MMRN1: variants seen among roughly 807,000 people sequenced by gnomAD.
MMRN1 encodes multimerin 1, also known as multimerin-1.
Under a neutral mutation model 100.7 loss-of-function variants are expected in MMRN1, and 94 were observed. That is an observed-to-expected ratio of 0.93 (90% CI 0.79 to 1.11). MMRN1 has a LOEUF of 1.11. MMRN1 is among the 50% of genes least tolerant of loss of function. The pLI is 0.00. For synonymous variants in MMRN1, 575 were observed against 505.0 expected (o/e 1.14, Z -1.86); for missense variants, 1,606 against 1,439.1 (o/e 1.12, Z -1.88).
chr4:89,941,288 G>A (rs1252891664), intron 6 of MMRN1, among the ~76,000 whole-genome samples: 2 of 152,124 alleles, frequency 1.3e-5, no homozygotes, highest in East Asian at 3.9e-4. Context: ...CATATCCATA[G>A]TGTTCACATC....
chr4:89,939,209 T>C (rs1722748171), intron 6 of MMRN1, among the ~76,000 whole-genome samples: 1 of 152,156 alleles, frequency 6.6e-6, no homozygotes, highest in Non-Finnish European at 1.5e-5. Flanking sequence ...TCACCTTTGA[T>C]ATTGTATAAG....
intron 2 of MMRN1, among the ~76,000 whole-genome samples, chr4:89,910,184 G>C (rs1218428587): frequency 6.6e-6 from 1 of 151,382 alleles, no homozygotes; most frequent in Non-Finnish European, 1.5e-5. Context: ...TTGAGGAATA[G>C]CTAAGGTTCA....
At chr4:89,948,456 G>A (rs1313437428) in intron 6 of MMRN1, among the ~76,000 whole-genome samples, 5 of 152,130 alleles carry the variant, frequency 3.3e-5, no homozygotes, top group Non-Finnish European at 5.9e-5. Context: ...AATAATAATT[G>A]TAAATTCATG....
intron 1 of MMRN1, among the ~76,000 whole-genome samples, chr4:89,889,713 C>T (rs1721007954): frequency 6.6e-6 from 1 of 152,126 alleles, no homozygotes; most frequent in South Asian, 2.1e-4. Flanking sequence ...ATCAATTCAA[C>T]ACTAGACATC....
Position 89,934,818 on chromosome 4 carries a change from T to C in MMRN1, c.1138T>C (p.Ser380Pro), listed in dbSNP as rs759827110. Reference sequence around the variant, plus strand: ...ATTATTTCTTTCTCTAGGTCTAAAATCCAAAAGCATTAATGTACTGATAAG... The same window carrying C: ...ATTATTTCTTTCTCTAGGTCTAAAACCCAAAAGCATTAATGTACTGATAAG... ...EFQSLLKGLK[S>P]KSINVLIRDI... is the part of the protein sequence containing the mutation. Residue 380 changes from serine (S) to proline (P), a missense_variant, in exon 6 of 8, where the codon TCC becomes CCC. Transcript: ENST00000264790. 6.8e-7 allele frequency: 1 copy of C among 1,468,460 alleles called. No individual in the cohort carries two copies. Among genetic ancestry groups the C allele is most frequent in the Non-Finnish European group, 9.1e-7 (1 of 1,100,916 alleles). 91.0% of individuals were successfully genotyped at this position (1,468,460 alleles called of 1,614,324 possible).
At chr4:89,924,578 C>T (rs1722186279) in intron 4 of MMRN1, among the ~76,000 whole-genome samples, 1 of 151,688 alleles carries the variant, frequency 6.6e-6, no homozygotes, top group Non-Finnish European at 1.5e-5. Flanking sequence ...GGCACAGTGG[C>T]TTATGCCTAT....
At chr4:89,904,728 A>G (rs1407546347) in intron 1 of MMRN1, among the ~76,000 whole-genome samples, 1 of 151,734 alleles carries the variant, frequency 6.6e-6, no homozygotes. Context: ...ATTGTGATAC[A>G]TGATATTTTA....
intron 6 of MMRN1, among the ~76,000 whole-genome samples, chr4:89,943,390 A>C (rs1165377879): frequency 6.6e-6 from 1 of 152,140 alleles, no homozygotes; most frequent in Admixed American, 6.6e-5. Flanking sequence ...GAAAATGTGA[A>C]ATTGCAGATT....
At position 89,895,466 on chromosome 4, in the gene MMRN1, T is replaced by C; in HGVS notation, c.495T>C (p.Ile165=). Residue 165 remains isoleucine, a synonymous_variant, in exon 1 of 8, where the codon ATT becomes ATC. Coordinates refer to ENST00000264790, the MANE Select transcript of MMRN1 (RefSeq NM_007351.3). ...SLNTVGGTGG[I]GGVGGTGGVG... ...ACACAGTTGGAGGCACTGGAGGCAT[T>C]GGAGGCGTTGGAGGCACTGGAGGCG... The C allele has an allele frequency of 6.2e-7, 1 of 1,613,638 alleles. No homozygotes were observed. Among genetic ancestry groups the C allele is most frequent in the Non-Finnish European group, 8.5e-7 (1 of 1,179,822 alleles).
Position 89,895,224 on chromosome 4 carries a change from C to A in MMRN1, c.253C>A (p.Pro85Thr), listed in dbSNP as rs1379902050. Reference protein sequence around the residue: ...EDSLLKSTLPPSETSAPAEGV... With the variant: ...EDSLLKSTLPTSETSAPAEGV... The stretch of plus-strand genomic sequence containing the variant: ...CAGTCTTCTTAAATCAACACTGCCT[C>A]CCTCAGAAACAAGTGCACCTGCTGA... Residue 85 changes from proline to threonine, a missense_variant, in exon 1 of 8, where the codon CCC (proline) becomes ACC (threonine). Coordinates refer to ENST00000264790, the MANE Select transcript of MMRN1 (RefSeq NM_007351.3). 6.2e-7 allele frequency: 1 copy of A among 1,613,804 alleles called. No individual in the cohort carries two copies. The highest frequency in any genetic ancestry group is 8.5e-7 in the Non-Finnish European group (1 of 1,179,914).
chr4:89,923,719 A>G (rs1442483608), intron 4 of MMRN1, among the ~76,000 whole-genome samples: 1 of 152,236 alleles, frequency 6.6e-6, no homozygotes, highest in African/African-American at 2.4e-5. Flanking sequence ...CTAAGAATCA[A>G]CAAGAACCTC....
At chr4:89,904,265 A>AT (rs1430890126) in intron 1 of MMRN1, among the ~76,000 whole-genome samples, 2 of 151,222 alleles carry the variant, frequency 1.3e-5, no homozygotes, top group African/African-American at 2.4e-5. Context: ...GTATTTATTT[A>AT]TTTTTATTGT....
rs1722555222 is a variant in MMRN1, at chr4:89,934,921, C to T, written c.1241C>T (p.Ser414Leu). The T allele has an allele frequency of 4.3e-6, 7 of 1,613,466 alleles. No individual in the cohort carries two copies. Among genetic ancestry groups the T allele is most frequent in the Non-Finnish European group, 5.9e-6 (7 of 1,179,628 alleles). ...GTAGCACAGCTCTTCAAGACTGTAT[C>T]AAGTCTATCAGAGGACCTCGAAAGC... is the stretch of plus-strand genomic sequence containing the variant. The part of the protein sequence containing the change: ...ETVAQLFKTV[S>L]SLSEDLESTR... Residue 414 changes from serine to leucine, a missense_variant, in exon 6 of 8, where the codon TCA becomes TTA. By Grantham distance (145) the Ser-to-Leu change is moderately radical. Transcript: ENST00000264790.
At chr4:89,909,159 A>G (rs1721660746) in intron 1 of MMRN1, 117 bp from the exon 2 acceptor site, 2 of 1,028,946 alleles carry the variant, frequency 1.9e-6, no homozygotes, top group South Asian at 3.7e-5. Flanking sequence ...TAGCAATCTT[A>G]CAAGGTTTCT....
intron 4 of MMRN1, among the ~76,000 whole-genome samples, chr4:89,926,957 G>C (rs1202245759): frequency 6.6e-6 from 1 of 151,972 alleles, no homozygotes; most frequent in African/African-American, 2.4e-5. Context: ...TTGTTTCTGG[G>C]TTCTCTATTC....
Position 89,895,328 on chromosome 4 carries a change from CA to C in MMRN1, c.359del (p.Asn120ThrfsTer20). 1 of 1,613,916 alleles carries C rather than the reference CA, an allele frequency of 6.2e-7. No homozygotes were observed. The highest frequency in any genetic ancestry group is 8.5e-7 in the Non-Finnish European group (1 of 1,179,918). ...VKLQNLTLPT[N>X]ASIKFNPGAE... ...AGTTACAGAATCTTACCCTCCCAAC[CA>C]ACGCTAGCATCAAGTTCAATCCTGG... On this transcript the variant is annotated frameshift_variant, in exon 1 of 8. Coordinates refer to ENST00000264790, the MANE Select transcript of MMRN1 (RefSeq NM_007351.3). LOFTEE classifies it high-confidence loss of function.
Position 89,935,882 on chromosome 4 carries a change from T to G in MMRN1, c.2202T>G (p.Ile734Met), listed in dbSNP as rs1472617163. Reference protein sequence around the residue: ...MEDGLNKTMTIINNAIDFIQD... With the variant: ...MEDGLNKTMTMINNAIDFIQD... ...ATGGCCTCAATAAGACAATGACTAT[T>G]ATAAATAATGCTATTGATTTCATTC... The change falls in exon 6 of 8, where the codon ATT (isoleucine) becomes ATG (methionine). Residue 734 changes from isoleucine (I) to methionine (M), a missense_variant. Physicochemically the swap from Ile to Met is conservative, Grantham distance 10. Coordinates refer to ENST00000264790, the MANE Select transcript of MMRN1 (RefSeq NM_007351.3). The G allele has an allele frequency of 1.2e-6, 2 of 1,610,200 alleles. No homozygotes were observed. The highest frequency in any genetic ancestry group is 1.7e-5 in the Admixed American group (1 of 59,556).
chr4:89,912,542 A>ATT (rs957174113), intron 3 of MMRN1, among the ~76,000 whole-genome samples: 1 of 143,758 alleles, frequency 7.0e-6, no homozygotes. Flanking sequence ...TAATGGAGCT[A>ATT]TTTTTTTTTT....
At chr4:89,884,872 C>T (rs928742213) in intron 1 of MMRN1, among the ~76,000 whole-genome samples, 4 of 152,080 alleles carry the variant, frequency 2.6e-5, no homozygotes, top group Non-Finnish European at 5.9e-5. Context: ...TTCTTTTATT[C>T]CTTATTGCAT....
Sources: allele counts gnomAD v4.1 joint callset (sites outside exome capture counted in the v4.1 genomes callset), GRCh38; gene constraint gnomAD v4.1.1; transcripts MANE v1.5; gene names NCBI Gene and HGNC (gene_info 2026-07-23, HGNC 2026-07-21).